Variants in TMBIM1 observed in about 807,000 individuals in gnomAD.
TMBIM1 encodes transmembrane BAX inhibitor motif containing 1.
A neutral mutation model predicts 45.1 loss-of-function variants in TMBIM1; 34 were observed. The observed-to-expected ratio is 0.75, with a 90% CI of 0.57 to 1.00. TMBIM1 has a LOEUF of 1.00. TMBIM1 is among the 50% of genes least tolerant of loss of function. TMBIM1 has a pLI of 0.00. For synonymous variants in TMBIM1, 157 were observed against 153.5 expected (o/e 1.02, Z -0.17); for missense variants, 374 against 402.4 (o/e 0.93, Z 0.60).
intron 1 of TMBIM1, among the ~76,000 whole-genome samples, chr2:218,292,243 G>A (rs929201628): frequency 1.2e-4 from 18 of 152,224 alleles, no homozygotes. Context: ...GGCTAACCAG[G>A]TGCCACAGAC....
chr2:218,276,884 C>G (rs1172065591), intron 10 of TMBIM1, 120 bp downstream of exon 10: 2 of 764,826 alleles, frequency 2.6e-6, no homozygotes, highest in Non-Finnish European at 2.3e-6. Context: ...GCTAGCCAGT[C>G]GAGAGGTTCT....
intron 1 of TMBIM1, among the ~76,000 whole-genome samples, chr2:218,287,550 A>T (rs1263136700): frequency 4.6e-5 from 7 of 152,162 alleles, no homozygotes; most frequent in African/African-American, 7.2e-5. Context: ...TCTACTAAAA[A>T]ATACAAAAAA....
At chr2:218,278,592 T>G in intron 5 of TMBIM1, 27 bp from the exon 6 acceptor site, 1 of 1,613,980 alleles carries the variant, frequency 6.2e-7, no homozygotes, top group Non-Finnish European at 8.5e-7. Context: ...GGGGAAGCAG[T>G]TCAGGCCCAA....
chr2:218,285,615 C>T (rs564870487), intron 1 of TMBIM1: 2 of 152,542 alleles, frequency 1.3e-5, no homozygotes, highest in African/African-American at 4.8e-5. Flanking sequence ...ACTAGACAGC[C>T]ACAGCACAGG....
At chr2:218,290,627 G>T (rs552021678) in intron 1 of TMBIM1, among the ~76,000 whole-genome samples, 34 of 152,278 alleles carry the variant, frequency 2.2e-4, no homozygotes, top group African/African-American at 7.9e-4. Context: ...ACCAGGAAAC[G>T]GGCACCCCTA....
chr2:218,276,178 G>A, intron 10 of TMBIM1, 99 bp from the exon 11 acceptor site: 14 of 1,319,264 alleles, frequency 1.1e-5, no homozygotes, highest in Non-Finnish European at 1.3e-5. Context: ...AGAGTGGGTA[G>A]AGCTGGGAAG....
At chr2:218,275,949 C>A (rs1691159068) in intron 11 of TMBIM1, 77 bp downstream of exon 11, 1 of 1,520,348 alleles carries the variant, frequency 6.6e-7, no homozygotes, top group African/African-American at 1.4e-5. Context: ...CCCAGGCAGT[C>A]TAAATTCATG....
intron 10 of TMBIM1, among the ~76,000 whole-genome samples, chr2:218,276,588 C>T (rs887257062): frequency 1.3e-5 from 2 of 152,168 alleles, no homozygotes; most frequent in Non-Finnish European, 2.9e-5. Flanking sequence ...CCTTCCCCTT[C>T]GGCACTGTTC....
At position 218,277,366 on chromosome 2, in the gene TMBIM1, C is replaced by G. The variant is rs1362937203; in HGVS notation, c.639G>C (p.Lys213Asn). 1.2e-6 allele frequency: 2 copies of G among 1,614,080 alleles called. No homozygotes were observed. Among genetic ancestry groups the G allele is most frequent in the Admixed American group, 3.3e-5 (2 of 60,030 alleles). Residue 213 changes from lysine (K) to asparagine (N), a missense_variant and splice_region_variant, in exon 9 of 12, where the codon AAG becomes AAC. Physicochemically the swap from Lys to Asn is moderately conservative, Grantham distance 94 (BLOSUM62 0). Transcript: ENST00000258412. ...ISVTIFCFQTKVDFTSCTGLF... is the reference protein window; with the variant it reads ...ISVTIFCFQTNVDFTSCTGLF... ...AGGGAAGGGCCCTCCATGCCCTCAC[C>G]TTGGTCTGAAAGCAGAAGATGGTGA...
Position 218,275,565 on chromosome 2 carries a change from G to C in TMBIM1, c.846C>G (p.Pro282=), listed in dbSNP as rs2292550. 631,545 of 1,613,430 alleles carry C rather than the reference G, an allele frequency of 0.39. 125,040 individuals carry two copies. Among genetic ancestry groups the C allele is most frequent in the Middle Eastern group, 0.49 (2,956 of 6,024 alleles). ...VLGNRKHTIS[P]EDYITGALQI... is the part of the protein sequence containing the mutation. ...GCAGGGCGCCAGTGATGTAGTCCTC[G>C]GGGCTGATGGTGTGCTTCCGGTTCC... The change falls in exon 12 of 12, where the codon CCC becomes CCG. Residue 282 remains proline (P), a synonymous_variant. Transcript: ENST00000258412.
At chr2:218,278,283 T>C in intron 6 of TMBIM1, 1 of 609,584 alleles carries the variant, frequency 1.6e-6, no homozygotes. Flanking sequence ...ATTTGTTAAC[T>C]GGCTAAAATG....
At chr2:218,284,961 G>A (rs889682837) in intron 1 of TMBIM1, among the ~76,000 whole-genome samples, 1 of 152,172 alleles carries the variant, frequency 6.6e-6, no homozygotes, top group African/African-American at 2.4e-5. Flanking sequence ...ATGGCAGCAG[G>A]CGCCTAGAAT....
Position 218,275,464 on chromosome 2 carries a change from G to A in TMBIM1, c.*11C>T, listed in dbSNP as rs1328454257. ...AGAGCCCAGGATCGGGTGAAAATGGGGGCTTGCTCCTTAATTGCGATCCCC... is the reference window on the plus strand; with the variant it reads ...AGAGCCCAGGATCGGGTGAAAATGGAGGCTTGCTCCTTAATTGCGATCCCC... On this transcript the variant is annotated 3_prime_UTR_variant, in exon 12 of 12. Coordinates refer to ENST00000258412, the MANE Select transcript of TMBIM1 (RefSeq NM_022152.6). The A allele has an allele frequency of 6.2e-7, 1 of 1,609,880 alleles. No homozygotes were observed. The highest frequency in any genetic ancestry group is 8.5e-7 in the Non-Finnish European group (1 of 1,177,578).
At chr2:218,277,552 C>T (rs925716553) in intron 8 of TMBIM1, 81 bp downstream of exon 8, 24 of 1,608,256 alleles carry the variant, frequency 1.5e-5, no homozygotes, top group East Asian at 2.2e-5. Context: ...AATCCACCCA[C>T]GCAGCTGGCT....
At chr2:218,279,961 A>T in intron 3 of TMBIM1, 65 bp downstream of exon 3, 2 of 1,209,552 alleles carry the variant, frequency 1.7e-6, no homozygotes, top group Non-Finnish European at 2.5e-6. Flanking sequence ...ACTGTGGCCT[A>T]CCCACTTCCC....
At chr2:218,285,404 T>C (rs1410546637) in intron 1 of TMBIM1, among the ~76,000 whole-genome samples, 2 of 152,154 alleles carry the variant, frequency 1.3e-5, no homozygotes, top group East Asian at 1.9e-4. Context: ...ATAGCTTCCA[T>C]CTAAAACCCT....
chr2:218,277,996 G>C, intron 6 of TMBIM1, 22 bp from the exon 7 acceptor site: 2 of 1,613,914 alleles, frequency 1.2e-6, no homozygotes, highest in South Asian at 1.1e-5. Flanking sequence ...GAGAAGCCTT[G>C]ATTAAATGAC....
At chr2:218,276,139 GC>G (rs1691184997) in intron 10 of TMBIM1, 60 bp from the exon 11 acceptor site, 6 of 1,572,750 alleles carry the variant, frequency 3.8e-6, no homozygotes, top group Non-Finnish European at 5.2e-6. Context: ...AGGCCCACAG[GC>G]CCCAGCTTCC....
chr2:218,280,151 AGCTGG>A, intron 2 of TMBIM1, 25 bp from the exon 3 acceptor site: 1 of 1,562,814 alleles, frequency 6.4e-7, no homozygotes, highest in Non-Finnish European at 8.8e-7. Context: ...CACTTGACTC[AGCTGG>A]GGACCTGAGA....
Sources: gnomAD v4.1 joint callset for allele counts (sites outside exome capture counted in the v4.1 genomes callset) on GRCh38, gnomAD v4.1.1 for gene constraint, MANE v1.5 for transcripts, NCBI Gene and HGNC (gene_info 2026-07-23, HGNC 2026-07-21) for gene names.